CUL4B: variants seen among roughly 807,000 people sequenced by gnomAD.
CUL4B encodes the protein cullin 4B.
In CUL4B, 1 loss-of-function variant was observed where a neutral mutation model predicts 69.2. The observed-to-expected ratio is 0.01, with a 90% CI of 0.01 to 0.07. The LOEUF (loss-of-function observed/expected upper bound fraction) is 0.07. Ranked by LOEUF, CUL4B falls within the 10% of genes least tolerant of loss-of-function variation. The pLI is 1.00. For synonymous variants in CUL4B, 237 were observed against 223.2 expected (o/e 1.06, Z -0.55); for missense variants, 328 against 638.8 (o/e 0.51, Z 5.24).
chrX:120,560,650 G>C lies in CUL4B; in HGVS notation c.-12C>G. On this transcript the variant is annotated 5_prime_UTR_variant, in exon 1 of 20. Transcript: ENST00000371322. Reference sequence around the variant, plus strand: ...CCTGTTGGAAACATGAAAATAGCGGGGTCAACAGGCAGAGGAGCATCAAAA... The same window carrying C: ...CCTGTTGGAAACATGAAAATAGCGGCGTCAACAGGCAGAGGAGCATCAAAA... 8.3e-7 allele frequency: 1 copy of C among 1,199,483 alleles called. No homozygotes were observed. Among genetic ancestry groups the C allele is most frequent in the Non-Finnish European group, 1.1e-6 (1 of 894,547 alleles).
At position 120,532,511 on chromosome X, in the gene CUL4B, T is replaced by C. The variant is rs1392017683; in HGVS notation, c.2350A>G (p.Ile784Val). Residue 784 changes from isoleucine (I) to valine (V), a missense_variant, in exon 18 of 20, where the codon ATT (isoleucine) becomes GTT (valine). Transcript: ENST00000371322. The part of the protein sequence containing the change: ...VLAKNPKGKD[I>V]EDGDKFICND... Reference sequence around the variant, plus strand: ...CAAATGAACTTGTCACCATCTTCAATGTCTTTGCCCTTTGGATTTTTCGCC... The same window carrying C: ...CAAATGAACTTGTCACCATCTTCAACGTCTTTGCCCTTTGGATTTTTCGCC... 1 of 1,207,896 alleles carries C rather than the reference T, an allele frequency of 8.3e-7. No individual in the cohort carries two copies. The highest frequency in any genetic ancestry group is 1.7e-5 in the African/African-American group (1 of 57,758).
At chrX:120,539,202 A>G (rs1428090488) in intron 12 of CUL4B, 66 bp downstream of exon 12, 2 of 605,722 alleles carry the variant, frequency 3.3e-6, no homozygotes, top group Admixed American at 6.9e-5. Context: ...GTTTGAATAT[A>G]CTTGCTAGCT....
Position 120,526,797 on chromosome X carries a change from A to C in CUL4B, c.2652T>G (p.Asp884Glu), listed in dbSNP as rs768424127. The stretch of plus-strand genomic sequence containing the variant: ...AGTTGTACTGGTTTGGATTTTCTTT[A>C]TCTCTTTCCATGTAGTCCCGGTCAA... ...SLIDRDYMER[D>E]KENPNQYNYI... Residue 884 changes from aspartate to glutamate, a missense_variant, in exon 20 of 20, where the codon GAT becomes GAG. Asp to Glu is a conservative substitution (Grantham distance 45). Around this residue, in one of 4 missense-constraint regions of CUL4B, gnomAD observed 98 missense variants for 296.8 expected, o/e 0.33. Coordinates refer to ENST00000371322, the MANE Select transcript of CUL4B (RefSeq NM_001079872.2). 1.7e-6 allele frequency: 2 copies of C among 1,197,690 alleles called. No individual in the cohort carries two copies. The highest frequency in any genetic ancestry group is 4.4e-5 in the Admixed American group (2 of 45,732).
intron 2 of CUL4B, among the ~76,000 whole-genome samples, chrX:120,549,493 A>G (rs1924554258): frequency 8.9e-6 from 1 of 111,810 alleles, no homozygotes; most frequent in African/African-American, 3.3e-5. Context: ...CAGTGAGCCG[A>G]GAATGTGCCA....
intron 2 of CUL4B, among the ~76,000 whole-genome samples, chrX:120,554,415 C>CA (rs890959323): frequency 1.3e-4 from 15 of 112,118 alleles, no homozygotes; most frequent in African/African-American, 4.9e-4. Flanking sequence ...CGCAAACAAA[C>CA]AAAACAGTCA....
At position 120,560,608 on chromosome X, in the gene CUL4B, G is replaced by A. The variant is rs1270698545; in HGVS notation, c.31C>T (p.Pro11Ser). The change falls in exon 1 of 20, where the codon CCC becomes TCC. Residue 11 changes from proline to serine, a missense_variant. Transcript: ENST00000371322. ...TCCTGAGCAGCAGCAGCAGCTGAGG[G>A]ACTGGGGGAAGAAAAACCTGTTGGA... Reference protein sequence around the residue: MFPTGFSSPSPSAAAAAQEVR... With the variant: MFPTGFSSPSSSAAAAAQEVR... 8.3e-7 allele frequency: 1 copy of A among 1,204,497 alleles called. No homozygotes were observed. Among genetic ancestry groups the A allele is most frequent in the Non-Finnish European group, 1.1e-6 (1 of 894,583 alleles).
At chrX:120,527,264 G>A (rs1923033415) in intron 19 of CUL4B, among the ~76,000 whole-genome samples, 1 of 110,868 alleles carries the variant, frequency 9.0e-6, no homozygotes, top group Non-Finnish European at 1.9e-5. Flanking sequence ...CACCATATTG[G>A]CCAGGCTGGT....
rs1185786706 is a variant in CUL4B at position 120,540,306 on chromosome X, A to G, written c.1636+64T>C. 5 of 1,064,344 alleles carry G rather than the reference A, an allele frequency of 4.7e-6. No individual in the cohort carries two copies. The African/African-American group carries it at 7.4e-5, about 16-fold the overall frequency. 87.7% of individuals were successfully genotyped at this position (1,064,344 alleles called of 1,213,427 possible). ...AATACTACAACCTGGTAAAAATTTC[A>G]GATTGAGATTTTATGACTCAAAGAA... On this transcript the variant is annotated intron_variant, in intron 11 of 19. Coordinates refer to ENST00000371322, the MANE Select transcript of CUL4B (RefSeq NM_001079872.2).
intron 2 of CUL4B, among the ~76,000 whole-genome samples, chrX:120,549,474 T>C (rs749971401): frequency 2.2e-4 from 25 of 111,371 alleles, no homozygotes; most frequent in Non-Finnish European, 4.0e-4. Context: ...ACCCGGGCGG[T>C]GGAGGTTGCA....
At chrX:120,561,344 G>A (rs764435835), upstream of CUL4B, 1 of 565,520 alleles carries the variant, frequency 1.8e-6, no homozygotes, top group Non-Finnish European at 3.3e-6. Flanking sequence ...ACGGTCCCGC[G>A]GGAAGCTTCG....
chrX:120,552,219 A>G (rs1429401494), intron 2 of CUL4B, among the ~76,000 whole-genome samples: 1 of 112,181 alleles, frequency 8.9e-6, no homozygotes, highest in East Asian at 2.8e-4. Context: ...CAGATTCTAG[A>G]TAACTGCAAC....
intron 7 of CUL4B, 44 bp downstream of exon 7, chrX:120,544,070 T>C (rs1256486993): frequency 2.4e-6 from 2 of 827,783 alleles, no homozygotes; most frequent in South Asian, 2.1e-5. Context: ...GTAAGGTCTA[T>C]TGTGAGAGAC....
intron 19 of CUL4B, among the ~76,000 whole-genome samples, chrX:120,527,936 C>T (rs979568789): frequency 8.9e-6 from 1 of 112,336 alleles, no homozygotes; most frequent in African/African-American, 3.2e-5. Flanking sequence ...AGCAGCTACC[C>T]TTCGCGTGGT....
At position 120,543,495 on chromosome X, in the gene CUL4B, AACACAC is replaced by A. The variant is rs60058698; in HGVS notation, c.1256+226_1256+231del. On this transcript the variant is annotated intron_variant, in intron 8 of 19. Coordinates refer to ENST00000371322, the MANE Select transcript of CUL4B (RefSeq NM_001079872.2). ...AGTATTATTTCTAAATTACCTTCTA[AACACAC>A]ACACACACACACACACACACACACA... Among the ~76,000 whole-genome samples the A allele has an allele frequency of 0.041, 4,055 of 98,060 alleles. 124 individuals are homozygous for A. The highest frequency in any genetic ancestry group is 0.1 in the African/African-American group (2,728 of 26,540). The allele number at this position is 98,060 out of a possible 115,157, so 85.2% of individuals were successfully genotyped here. A position where few individuals can be genotyped will look rare whatever the true frequency, so the allele number is the denominator to read the frequency against.
At chrX:120,559,803 C>G (rs984478235) in intron 1 of CUL4B, 2 of 1,094,436 alleles carry the variant, frequency 1.8e-6, no homozygotes, top group African/African-American at 3.7e-5. Flanking sequence ...TCAATCATAC[C>G]GATTGTCAGT....
chrX:120,536,385 A>G (rs1445569548), intron 15 of CUL4B, among the ~76,000 whole-genome samples: 5 of 112,670 alleles, frequency 4.4e-5, no homozygotes, highest in Non-Finnish European at 9.4e-5. Context: ...AGGATTCTCA[A>G]TATCTATCTG....
At chrX:120,561,444 G>A, upstream of CUL4B, 1 of 541,217 alleles carries the variant, frequency 1.8e-6, no homozygotes, top group Non-Finnish European at 3.4e-6. Flanking sequence ...ACTTGAGTGG[G>A]GGGGGGAAGG....
At chrX:120,533,740 T>C (rs1382891161) in intron 17 of CUL4B, among the ~76,000 whole-genome samples, 2 of 111,764 alleles carry the variant, frequency 1.8e-5, no homozygotes, top group Admixed American at 9.5e-5. Context: ...TTGACATTAT[T>C]TCAAGTGTCA....
At chrX:120,569,268 C>T (rs967367711), downstream of CUL4B, among the ~76,000 whole-genome samples, 2 of 111,877 alleles carry the variant, frequency 1.8e-5, no homozygotes, top group African/African-American at 6.5e-5. Context: ...TATACAAAGA[C>T]AACCCTTGCC....
Sources: allele counts gnomAD v4.1 joint callset (sites outside exome capture counted in the v4.1 genomes callset), GRCh38; gene constraint gnomAD v4.1.1; regional missense constraint gnomAD v4.1.1; transcripts MANE v1.5; gene names NCBI Gene and HGNC (gene_info 2026-07-23, HGNC 2026-07-21).